RSRC1: variants seen among roughly 807,000 people sequenced by gnomAD.
The protein encoded by RSRC1 is serine/Arginine-related protein 53.
A neutral mutation model predicts 49.1 loss-of-function variants in RSRC1; 39 were observed. The observed-to-expected ratio is 0.79, with a 90% confidence interval of 0.61 to 1.04. The LOEUF (loss-of-function observed/expected upper bound fraction) is 1.04. Ranked by LOEUF, RSRC1 falls within the 50% of genes least tolerant of loss-of-function variation. The probability of loss-of-function intolerance (pLI) is 0.00; values close to 1 mark genes in which losing one functional copy is unlikely to be tolerated. For missense variants in RSRC1, 388 were observed against 402.4 expected (o/e 0.96, Z 0.31); for synonymous variants, 143 against 130.8 (o/e 1.09, Z -0.63).
intron 4 of RSRC1, among the ~76,000 whole-genome samples, chr3:158,263,555 A>G (rs1374439371): frequency 1.3e-5 from 2 of 152,174 alleles, no homozygotes; most frequent in African/African-American, 4.8e-5. Context: ...GTTGGGAAAT[A>G]TTTCCTTTTC....
chr3:158,424,916 G>A (rs376445745), intron 6 of RSRC1, among the ~76,000 whole-genome samples: 18 of 151,460 alleles, frequency 1.2e-4, no homozygotes, highest in African/African-American at 3.1e-4. Context: ...CTGTGGGATC[G>A]GTGGTGATAT....
chr3:158,257,749 G>T (rs556176790), intron 4 of RSRC1, among the ~76,000 whole-genome samples: 17 of 152,026 alleles, frequency 1.1e-4, no homozygotes, highest in Non-Finnish European at 1.9e-4. Flanking sequence ...TTTTAGCAAA[G>T]ATGATTTTCT....
chr3:158,275,622 G>T (rs1278448348), intron 4 of RSRC1, among the ~76,000 whole-genome samples: 2 of 152,098 alleles, frequency 1.3e-5, no homozygotes, highest in East Asian at 1.9e-4. Flanking sequence ...AGACAAAAAA[G>T]TTTATCCTAT....
At chr3:158,318,530 G>A (rs1189403237) in intron 5 of RSRC1, among the ~76,000 whole-genome samples, 1 of 152,130 alleles carries the variant, frequency 6.6e-6, no homozygotes, top group Non-Finnish European at 1.5e-5. Context: ...AAGTTCTGTA[G>A]CAGTTTTCAA....
chr3:158,255,477 A>G (rs149956901), intron 4 of RSRC1, among the ~76,000 whole-genome samples: 162 of 152,186 alleles, frequency 1.1e-3, no homozygotes, highest in Non-Finnish European at 1.6e-3. Context: ...GCCTTGTAGT[A>G]TAGTTTGAAG....
intron 7 of RSRC1, among the ~76,000 whole-genome samples, chr3:158,513,226 C>G (rs1284302904): frequency 6.7e-6 from 1 of 149,252 alleles, no homozygotes; most frequent in African/African-American, 2.5e-5. Context: ...AGTTTTTGCC[C>G]ATTCAGTATG....
intron 3 of RSRC1, among the ~76,000 whole-genome samples, chr3:158,160,789 G>A (rs1189388700): frequency 6.6e-6 from 1 of 152,026 alleles, no homozygotes; most frequent in Non-Finnish European, 1.5e-5. Context: ...GTTTTTTTTA[G>A]CATCTACTCT....
intron 3 of RSRC1, among the ~76,000 whole-genome samples, chr3:158,137,763 C>T (rs940839169): frequency 6.6e-6 from 1 of 151,412 alleles, no homozygotes; most frequent in Non-Finnish European, 1.5e-5. Flanking sequence ...AAGCGATTCT[C>T]CTGCCTCAGC....
At chr3:158,433,841 G>T (rs867433294) in intron 6 of RSRC1, among the ~76,000 whole-genome samples, 33 of 151,934 alleles carry the variant, frequency 2.2e-4, no homozygotes, top group South Asian at 4.1e-4. Flanking sequence ...CTTAATGTTG[G>T]TTGTAATATC....
chr3:158,252,543 T>C (rs1224309643), intron 4 of RSRC1, among the ~76,000 whole-genome samples: 2 of 152,194 alleles, frequency 1.3e-5, no homozygotes, highest in South Asian at 2.1e-4. Context: ...GATATTGGTC[T>C]GTAGTCTTCT....
intron 4 of RSRC1, among the ~76,000 whole-genome samples, chr3:158,259,255 T>G (rs1028255554): frequency 6.6e-6 from 1 of 152,222 alleles, no homozygotes; most frequent in Non-Finnish European, 1.5e-5. Flanking sequence ...TGTTGCACTC[T>G]ATGTCTTTGG....
At chr3:158,163,095 A>G (rs1666934360) in intron 3 of RSRC1, among the ~76,000 whole-genome samples, 1 of 151,930 alleles carries the variant, frequency 6.6e-6, no homozygotes, top group African/African-American at 2.4e-5. Flanking sequence ...CCTTCATCTC[A>G]TGGGTTCGAG....
At chr3:158,477,284 G>C (rs1738408315) in intron 7 of RSRC1, among the ~76,000 whole-genome samples, 1 of 152,144 alleles carries the variant, frequency 6.6e-6, no homozygotes, top group Non-Finnish European at 1.5e-5. Flanking sequence ...TTTGAAAGCA[G>C]AAGTTCTACA....
intron 3 of RSRC1, among the ~76,000 whole-genome samples, chr3:158,155,536 G>A (rs931073651): frequency 6.6e-6 from 1 of 151,574 alleles, no homozygotes; most frequent in Admixed American, 6.6e-5. Flanking sequence ...TCAGGCTGAA[G>A]TGATCCCACC....
chr3:158,124,702 A>G (rs920902785), intron 3 of RSRC1, among the ~76,000 whole-genome samples: 3 of 152,066 alleles, frequency 2.0e-5, no homozygotes, highest in Non-Finnish European at 4.4e-5. Flanking sequence ...CCAGTTTATT[A>G]GCATTCTTAG....
At chr3:158,416,248 G>C (rs1734730428) in intron 6 of RSRC1, among the ~76,000 whole-genome samples, 1 of 150,504 alleles carries the variant, frequency 6.6e-6, no homozygotes, top group South Asian at 2.2e-4. Context: ...ATTTCAATTT[G>C]TGTCAGTTTG....
At chr3:158,482,840 A>C (rs1012228110) in intron 7 of RSRC1, among the ~76,000 whole-genome samples, 1 of 151,968 alleles carries the variant, frequency 6.6e-6, no homozygotes, top group African/African-American at 2.4e-5. Context: ...TTTTATTGTA[A>C]TTGTATTGCC....
intron 5 of RSRC1, among the ~76,000 whole-genome samples, chr3:158,306,194 C>T (rs1196440337): frequency 6.6e-6 from 1 of 151,872 alleles, no homozygotes; most frequent in Non-Finnish European, 1.5e-5. Flanking sequence ...TCTTTTCCTA[C>T]CTGCCATCAA....
chr3:158,412,171 G>T (rs563992549), intron 6 of RSRC1, among the ~76,000 whole-genome samples: 28 of 152,086 alleles, frequency 1.8e-4, no homozygotes, highest in African/African-American at 6.7e-4. Context: ...TCTATCTTCA[G>T]TGCTTAAGAG....
Sources: gnomAD v4.1 joint callset for allele counts (sites outside exome capture counted in the v4.1 genomes callset) on GRCh38, gnomAD v4.1.1 for gene constraint, MANE v1.5 for transcripts, NCBI Gene and HGNC (gene_info 2026-07-23, HGNC 2026-07-21) for gene names.